Variants in EPSTI1 observed in about 807,000 individuals in gnomAD.
EPSTI1 encodes the protein epithelial-stromal interaction protein 1.
EPSTI1 carries 66 observed loss-of-function variants against 49.9 expected under a neutral mutation model. The observed-to-expected ratio is 1.32, with a 90% CI of 1.08 to 1.62. EPSTI1 has a LOEUF of 1.62. EPSTI1 is among the 40% of genes most tolerant of loss of function. The pLI is 0.00. For missense variants in EPSTI1, 394 were observed against 365.5 expected (o/e 1.08, Z -0.64); for synonymous variants, 137 against 130.7 (o/e 1.05, Z -0.33).
chr13:42,977,228 A>G (rs1441071619), intron 1 of EPSTI1, among the ~76,000 whole-genome samples: 1 of 152,192 alleles, frequency 6.6e-6, no homozygotes, highest in African/African-American at 2.4e-5. Context: ...AGACAACATA[A>G]TCATATGATT....
intron 5 of EPSTI1, among the ~76,000 whole-genome samples, chr13:42,962,744 C>G (rs1452413775): frequency 6.6e-6 from 1 of 151,940 alleles, no homozygotes; most frequent in Non-Finnish European, 1.5e-5. Flanking sequence ...CACACCACTG[C>G]ACTCCAGCCT....
At chr13:42,980,198 T>C (rs536859046) in intron 1 of EPSTI1, among the ~76,000 whole-genome samples, 1 of 152,154 alleles carries the variant, frequency 6.6e-6, no homozygotes, top group Admixed American at 6.6e-5. Flanking sequence ...GGTTGTTTCC[T>C]TGTGCAACTA....
intron 8 of EPSTI1, among the ~76,000 whole-genome samples, chr13:42,911,244 A>AGTGAGTGT (rs2037665532): frequency 2.2e-4 from 33 of 147,148 alleles, no homozygotes; most frequent in Non-Finnish European, 3.9e-4. Context: ...AGAGAGAGAG[A>AGTGAGTGT]GTGTGTGTGT....
intron 6 of EPSTI1, among the ~76,000 whole-genome samples, chr13:42,937,780 TC>T (rs1484393446): frequency 6.6e-6 from 1 of 152,172 alleles, no homozygotes. Flanking sequence ...GGGATCATCC[TC>T]TTCCATATTC....
At chr13:42,948,266 T>G (rs1194577401) in intron 6 of EPSTI1, among the ~76,000 whole-genome samples, 6 of 152,204 alleles carry the variant, frequency 3.9e-5, no homozygotes, top group African/African-American at 1.4e-4. Flanking sequence ...CATCAAGGCC[T>G]GGGCCCTGCC....
At chr13:42,991,629 A>G (rs2040195616) in intron 1 of EPSTI1, among the ~76,000 whole-genome samples, 1 of 152,170 alleles carries the variant, frequency 6.6e-6, no homozygotes, top group South Asian at 2.1e-4. Context: ...TTATTTCCAT[A>G]CTGGTTGGAG....
intron 10 of EPSTI1, among the ~76,000 whole-genome samples, chr13:42,891,109 A>G (rs1440064349): frequency 6.6e-6 from 1 of 152,232 alleles, no homozygotes; most frequent in African/African-American, 2.4e-5. Flanking sequence ...TCTCATCAGG[A>G]TATGTTATGC....
intron 1 of EPSTI1, among the ~76,000 whole-genome samples, chr13:42,979,066 G>A (rs1328578888): frequency 6.6e-6 from 1 of 152,038 alleles, no homozygotes; most frequent in Non-Finnish European, 1.5e-5. Flanking sequence ...TTTTTCTCCT[G>A]TAAATGGTAG....
intron 6 of EPSTI1, among the ~76,000 whole-genome samples, chr13:42,950,452 G>C (rs1798131056): frequency 6.6e-6 from 1 of 152,200 alleles, no homozygotes; most frequent in African/African-American, 2.4e-5. Context: ...AGTCCCTTTG[G>C]ATGTCAATAA....
Position 42,992,070 on chromosome 13 carries a change from C to T in EPSTI1, c.96G>A (p.Gly32=). The T allele has an allele frequency of 6.2e-7, 1 of 1,613,356 alleles. No homozygotes were observed. The highest frequency in any genetic ancestry group is 2.2e-5 in the East Asian group (1 of 44,880). ...TCTGGTCTTCCACGGGGCTCAGCTC[C>T]CCTTGCCGCCCAGAAGGGTCCTGGG... ...RDPQDPSGRQ[G]ELSPVEDQRE... is the part of the protein sequence containing the mutation. The change falls in exon 1 of 11, where the codon GGG becomes GGA. Residue 32 remains glycine (G), a synonymous_variant. Transcript: ENST00000313624.
At chr13:42,964,371 T>TA (rs2039546960) in intron 3 of EPSTI1, among the ~76,000 whole-genome samples, 1 of 151,632 alleles carries the variant, frequency 6.6e-6, no homozygotes, top group African/African-American at 2.4e-5. Flanking sequence ...AAAGAGCACT[T>TA]TTACTAAGGT....
intron 7 of EPSTI1, among the ~76,000 whole-genome samples, chr13:42,920,957 G>C (rs946816597): frequency 2.8e-4 from 42 of 152,098 alleles, no homozygotes; most frequent in Admixed American, 6.5e-5. Flanking sequence ...AAAATATTTA[G>C]AAGATAAAGT....
chr13:42,899,322 C>A (rs916938706), intron 9 of EPSTI1, among the ~76,000 whole-genome samples: 15 of 152,044 alleles, frequency 9.9e-5, no homozygotes, highest in Admixed American at 2.0e-4. Flanking sequence ...AACAATATAG[C>A]CTAACCGACA....
At chr13:42,957,576 TTATG>T (rs1290587500) in intron 5 of EPSTI1, among the ~76,000 whole-genome samples, 1 of 152,130 alleles carries the variant, frequency 6.6e-6, no homozygotes, top group Non-Finnish European at 1.5e-5. Context: ...TTAATTTTAT[TTATG>T]TATTTATTTA....
intron 6 of EPSTI1, 145 bp from the exon 7 acceptor site, chr13:42,926,574 T>C: frequency 1.5e-6 from 1 of 655,516 alleles, no homozygotes; most frequent in Non-Finnish European, 2.8e-6. Context: ...GAGAACAAGG[T>C]GTAGCAGAAA....
chr13:42,988,446 A>G (rs1361413795), intron 1 of EPSTI1, among the ~76,000 whole-genome samples: 1 of 152,164 alleles, frequency 6.6e-6, no homozygotes, highest in African/African-American at 2.4e-5. Context: ...CAAGAACTCA[A>G]TCTTGGCCAG....
chr13:42,962,763 G>C (rs1231280981), intron 5 of EPSTI1, among the ~76,000 whole-genome samples: 1 of 151,816 alleles, frequency 6.6e-6, no homozygotes, highest in Non-Finnish European at 1.5e-5. Flanking sequence ...CTGTGCAACA[G>C]AGTGAGACCC....
chr13:42,909,700 T>A (rs1168859146), intron 8 of EPSTI1, among the ~76,000 whole-genome samples: 3 of 152,098 alleles, frequency 2.0e-5, no homozygotes, highest in Admixed American at 6.5e-5. Flanking sequence ...TACCACATGA[T>A]ATCATTTATA....
At chr13:42,917,424 T>C (rs2037860706) in intron 8 of EPSTI1, 117 bp downstream of exon 8, 3 of 912,906 alleles carry the variant, frequency 3.3e-6, no homozygotes, top group African/African-American at 1.7e-5. Context: ...TTTTCAATGC[T>C]TGTATTCTTG....
Sources: allele counts gnomAD v4.1 joint callset (sites outside exome capture counted in the v4.1 genomes callset), GRCh38; gene constraint gnomAD v4.1.1; transcripts MANE v1.5; gene names NCBI Gene and HGNC (gene_info 2026-07-23, HGNC 2026-07-21).